Variants in OPCML observed in about 807,000 individuals in gnomAD.
OPCML encodes opioid binding protein/cell adhesion molecule like, also known as opioid-binding protein/cell adhesion molecule.
A neutral mutation model predicts 37.8 loss-of-function variants in OPCML; 13 were observed. The ratio of observed to expected loss-of-function variants is 0.34; its 90% CI spans 0.22 to 0.55. The LOEUF (loss-of-function observed/expected upper bound fraction) is 0.55. Ranked by LOEUF, OPCML falls within the 20% of genes least tolerant of loss-of-function variation. The pLI, the probability that OPCML is intolerant of heterozygous loss-of-function variation, is 0.91. For missense variants in OPCML, 341 were observed against 435.6 expected (o/e 0.78, Z 1.93); for synonymous variants, 176 against 168.8 (o/e 1.04, Z -0.33).
chr11:133,143,994 G>T (rs1211000094), intron 1 of OPCML, among the ~76,000 whole-genome samples: 1 of 152,160 alleles, frequency 6.6e-6, no homozygotes, highest in Non-Finnish European at 1.5e-5. Context: ...ATGCTGTTTT[G>T]TCTGGTTCTT....
At chr11:132,707,671 G>A (rs1395210872) in intron 2 of OPCML, among the ~76,000 whole-genome samples, 3 of 152,128 alleles carry the variant, frequency 2.0e-5, no homozygotes, top group Non-Finnish European at 4.4e-5. Context: ...CCCTATTACA[G>A]CCATCACTAG....
intron 1 of OPCML, among the ~76,000 whole-genome samples, chr11:133,520,165 A>C (rs1948369009): frequency 6.6e-6 from 1 of 152,142 alleles, no homozygotes; most frequent in African/African-American, 2.4e-5. Flanking sequence ...GTTTATGCTG[A>C]AGTCCTGCGG....
chr11:133,114,051 T>C (rs1949295722), intron 1 of OPCML, among the ~76,000 whole-genome samples: 1 of 152,200 alleles, frequency 6.6e-6, no homozygotes, highest in Non-Finnish European at 1.5e-5. Flanking sequence ...AGAGCATAAG[T>C]ACAAAATAAA....
rs71067397 is a variant in OPCML, at chr11:132,818,629, C to CATAG, written c.146+124293_146+124296dup. On this transcript the variant is annotated intron_variant, in intron 2 of 7. Transcript: ENST00000524381. Reference sequence around the variant, plus strand: ...TAGATGATAGATAGATAGATAAACACATAGATAGATATGAGTGTATATATA... The same window carrying CATAG: ...TAGATGATAGATAGATAGATAAACACATAGATAGATAGATATGAGTGTATATATA... Among the ~76,000 whole-genome samples, 16 of 39,882 alleles carry CATAG rather than the reference C, an allele frequency of 4.0e-4. 1 individual carries two copies. Among genetic ancestry groups the CATAG allele is most frequent in the African/African-American group, 1.2e-3 (16 of 13,476 alleles). 26.2% of individuals were successfully genotyped at this position (39,882 alleles called of 152,430 possible). A position where few individuals can be genotyped will look rare whatever the true frequency, so the allele number is the denominator to read the frequency against.
chr11:132,847,842 A>G (rs1054482005), intron 2 of OPCML, among the ~76,000 whole-genome samples: 2 of 152,126 alleles, frequency 1.3e-5, no homozygotes, highest in African/African-American at 4.8e-5. Flanking sequence ...TTGTACATGA[A>G]TTCTTATTTA....
intron 1 of OPCML, among the ~76,000 whole-genome samples, chr11:133,161,824 T>C (rs1213323877): frequency 6.6e-6 from 1 of 152,092 alleles, no homozygotes; most frequent in African/African-American, 2.4e-5. Flanking sequence ...AGTATATGAA[T>C]AATATTTTGA....
At chr11:133,340,371 C>T (rs1009481407) in intron 1 of OPCML, among the ~76,000 whole-genome samples, 1 of 152,140 alleles carries the variant, frequency 6.6e-6, no homozygotes, top group Non-Finnish European at 1.5e-5. Flanking sequence ...GGTGTGGAAT[C>T]GATGGCAAAG....
At chr11:133,192,870 CTTT>C (rs199872888) in intron 1 of OPCML, among the ~76,000 whole-genome samples, 1 of 138,208 alleles carries the variant, frequency 7.2e-6, no homozygotes, top group Non-Finnish European at 1.6e-5. Flanking sequence ...CTTTTCTTTT[CTTT>C]TTTTTTTTTT....
intron 1 of OPCML, among the ~76,000 whole-genome samples, chr11:133,084,749 A>G (rs1029166856): frequency 3.3e-5 from 5 of 152,180 alleles, no homozygotes; most frequent in Admixed American, 2.6e-4. Flanking sequence ...ATCACCTGTT[A>G]TATCTGTGGT....
chr11:133,353,899 A>G lies in OPCML; in HGVS notation c.61+178365T>C, dbSNP rs1341871372. Among the ~76,000 whole-genome samples, 20 of 152,306 alleles carry G rather than the reference A, an allele frequency of 1.3e-4. 1 individual carries two copies. On this transcript the variant is annotated intron_variant, in intron 1 of 7. Coordinates refer to ENST00000524381, the MANE Select transcript of OPCML (RefSeq NM_001012393.5). ...TCCAGTGGGCACAGTGACTTAGATG[A>G]CATCAAAAAAAGAAAAAATATATAT...
intron 2 of OPCML, among the ~76,000 whole-genome samples, chr11:132,886,887 C>T (rs1239131473): frequency 2.6e-5 from 4 of 152,150 alleles, no homozygotes; most frequent in South Asian, 2.1e-4. Flanking sequence ...AGAACGCCAT[C>T]GTGCCCCGCT....
At chr11:132,993,353 T>C (rs1185738355) in intron 1 of OPCML, among the ~76,000 whole-genome samples, 1 of 152,170 alleles carries the variant, frequency 6.6e-6, no homozygotes, top group Non-Finnish European at 1.5e-5. Flanking sequence ...AGCATATTAA[T>C]AGGAACACAG....
chr11:133,156,202 C>CAT (rs1950059887), intron 1 of OPCML, among the ~76,000 whole-genome samples: 1 of 152,198 alleles, frequency 6.6e-6, no homozygotes, highest in African/African-American at 2.4e-5. Flanking sequence ...CGATCCTTAT[C>CAT]TAATCCCCAC....
intron 1 of OPCML, chr11:133,009,278 G>T (rs985081583): frequency 2.7e-5 from 26 of 968,030 alleles, no homozygotes; most frequent in Non-Finnish European, 3.2e-5. Flanking sequence ...AAAATGCAAT[G>T]GTACATATTT....
chr11:132,616,052 C>G (rs1002803248), intron 3 of OPCML, among the ~76,000 whole-genome samples: 10 of 152,154 alleles, frequency 6.6e-5, no homozygotes, highest in Admixed American at 3.3e-4. Flanking sequence ...AAAAAAGATA[C>G]CTCAGGATAT....
intron 2 of OPCML, among the ~76,000 whole-genome samples, chr11:132,834,516 C>T (rs1417587210): frequency 1.3e-5 from 2 of 152,180 alleles, no homozygotes; most frequent in African/African-American, 2.4e-5. Flanking sequence ...GAGGGTCCCT[C>T]CTTGCCTCTT....
At chr11:133,439,681 A>G (rs923959858) in intron 1 of OPCML, among the ~76,000 whole-genome samples, 3 of 150,834 alleles carry the variant, frequency 2.0e-5, no homozygotes, top group Non-Finnish European at 4.4e-5. Flanking sequence ...TTTAGCCAGG[A>G]TGGTCTCGAT....
At chr11:133,242,106 T>G (rs943981349) in intron 1 of OPCML, among the ~76,000 whole-genome samples, 2 of 152,178 alleles carry the variant, frequency 1.3e-5, no homozygotes, top group African/African-American at 4.8e-5. Flanking sequence ...CCCCACTCCT[T>G]GCATTCTCAG....
In OPCML at chr11:133,350,840, A is replaced by C. The variant is rs530819833; in HGVS notation, c.61+181424T>G. 4.6e-5 allele frequency among the ~76,000 whole-genome samples: 7 copies of C among 152,282 alleles called. No homozygotes were observed. In the East Asian group the frequency reaches 1.4e-3, roughly 29 times the overall value. On this transcript the variant is annotated intron_variant, in intron 1 of 7. Transcript: ENST00000524381. ...TCTGGGAACTCACATCTCAGTGAAC[A>C]TTTCCAACATATGATCAATGCACAC...
Sources: gnomAD v4.1 joint callset for allele counts (sites outside exome capture counted in the v4.1 genomes callset) on GRCh38, gnomAD v4.1.1 for gene constraint, MANE v1.5 for transcripts, NCBI Gene and HGNC (gene_info 2026-07-23, HGNC 2026-07-21) for gene names.